Variants in PFKFB3 observed in about 807,000 individuals in gnomAD.
PFKFB3 encodes the protein 6-phosphofructo-2-kinase/fructose-2,6-biphosphatase 3.
A neutral mutation model predicts 68.0 loss-of-function variants in PFKFB3; 33 were observed. That is an observed-to-expected ratio of 0.49 (90% confidence interval 0.37 to 0.65). The LOEUF (loss-of-function observed/expected upper bound fraction) is 0.65. Ranked by LOEUF, PFKFB3 falls within the 30% of genes least tolerant of loss-of-function variation. PFKFB3 has a pLI of 0.00. For synonymous variants in PFKFB3, 315 were observed against 288.2 expected (o/e 1.09, Z -0.94); for missense variants, 586 against 712.2 (o/e 0.82, Z 2.02).
At chr10:6,264,335 T>C in the PFKFB3 span, among the ~76,000 whole-genome samples, 1 of 151,958 alleles carries the variant, frequency 6.6e-6, no homozygotes, top group Non-Finnish European at 1.5e-5. Context: ...GCCCGTTGGA[T>C]TTCCATTTGA....
At chr10:6,181,236 G>T (rs1018719903) in intron 1 of PFKFB3, among the ~76,000 whole-genome samples, 1 of 152,128 alleles carries the variant, frequency 6.6e-6, no homozygotes, top group Non-Finnish European at 1.5e-5. Flanking sequence ...GGCTCTGCTG[G>T]TCTCAAACTC....
At chr10:6,224,255 G>A (rs748078234) in intron 13 of PFKFB3, 42 bp downstream of exon 13, 7 of 1,593,044 alleles carry the variant, frequency 4.4e-6, no homozygotes, top group Middle Eastern at 2.0e-4. Flanking sequence ...ATCATCACAC[G>A]ATAGCCCTAG....
downstream of PFKFB3, among the ~76,000 whole-genome samples, chr10:6,235,769 TTC>T (rs1466532046): frequency 7.8e-6 from 1 of 128,790 alleles, no homozygotes; most frequent in African/African-American, 2.6e-5. Flanking sequence ...TTTCTTTTTT[TTC>T]TTTTTTTTTT....
At chr10:6,262,130 C>T in the PFKFB3 span, among the ~76,000 whole-genome samples, 1 of 151,440 alleles carries the variant, frequency 6.6e-6, no homozygotes, top group Non-Finnish European at 1.5e-5. Flanking sequence ...CAAACCTTCA[C>T]ATGTACCCAC....
chr10:6,197,317 C>T (rs1843204486), intron 1 of PFKFB3, among the ~76,000 whole-genome samples: 1 of 152,150 alleles, frequency 6.6e-6, no homozygotes, highest in African/African-American at 2.4e-5. Context: ...AAATACCTAC[C>T]ATTGTGTTAC....
chr10:6,179,499 T>G (rs1028917592), intron 1 of PFKFB3, among the ~76,000 whole-genome samples: 7 of 152,106 alleles, frequency 4.6e-5, no homozygotes, highest in Admixed American at 4.6e-4. Flanking sequence ...GGCTGTAAAA[T>G]AGATCACTCA....
chr10:6,145,046 A>T, intron 1 of PFKFB3: 1 of 1,313,948 alleles, frequency 7.6e-7, no homozygotes, highest in Non-Finnish European at 9.7e-7. Flanking sequence ...CCACGCCCCC[A>T]GCGCGCGCGG....
chr10:6,222,676 C>G, intron 10 of PFKFB3, 179 bp from the exon 11 acceptor site: 1 of 585,770 alleles, frequency 1.7e-6, no homozygotes, highest in Non-Finnish European at 2.8e-6. Context: ...GTGGGGAGGG[C>G]TTCACTCTTT....
chr10:6,249,178 T>TA (rs71391803), intron 14 of PFKFB3, among the ~76,000 whole-genome samples: 4,542 of 76,682 alleles, frequency 0.059, 88 homozygotes, highest in African/African-American at 0.11. Context: ...CCGTCTCAAT[T>TA]AAAAAAAAAA....
chr10:6,177,390 T>TTCTTTCTTTC (rs1554842902), intron 1 of PFKFB3, among the ~76,000 whole-genome samples: 1 of 63,582 alleles, frequency 1.6e-5, no homozygotes, highest in African/African-American at 3.5e-5. Context: ...CTTTCTTTCT[T>TTCTTTCTTTC]TCTTTCTTTC....
chr10:6,306,888 T>C, the PFKFB3 span, among the ~76,000 whole-genome samples: 1 of 152,220 alleles, frequency 6.6e-6, no homozygotes, highest in Non-Finnish European at 1.5e-5. Flanking sequence ...ATGTTTAGTT[T>C]TACGTATTAA....
At chr10:6,146,338 G>A (rs1841388081) in intron 1 of PFKFB3, 5 of 1,529,834 alleles carry the variant, frequency 3.3e-6, no homozygotes, top group Non-Finnish European at 4.4e-6. Flanking sequence ...TGGCGGTGAA[G>A]GGGGTGGCTG....
At chr10:6,255,858 C>T (rs2132086053), downstream of PFKFB3, among the ~76,000 whole-genome samples, 1 of 152,326 alleles carries the variant, frequency 6.6e-6, no homozygotes, top group East Asian at 1.9e-4. Flanking sequence ...AGACGTGTCA[C>T]AGCAGCATTC....
chr10:6,211,502 T>C (rs1298441744), intron 1 of PFKFB3, among the ~76,000 whole-genome samples: 1 of 151,990 alleles, frequency 6.6e-6, no homozygotes, highest in Non-Finnish European at 1.5e-5. Flanking sequence ...TTCCAAGGAG[T>C]TGCTGCTACT....
the PFKFB3 span, among the ~76,000 whole-genome samples, chr10:6,301,755 A>G: frequency 6.6e-6 from 1 of 152,194 alleles, no homozygotes; most frequent in African/African-American, 2.4e-5. Flanking sequence ...GGGAGCTCTA[A>G]TTCATCAGGA....
chr10:6,190,320 C>T (rs1203718764), intron 1 of PFKFB3, among the ~76,000 whole-genome samples: 1 of 152,226 alleles, frequency 6.6e-6, no homozygotes, highest in Non-Finnish European at 1.5e-5. Context: ...GCAGTGATTA[C>T]CCAGGGATGA....
the PFKFB3 span, among the ~76,000 whole-genome samples, chr10:6,302,060 C>CT: frequency 0.65 from 95,027 of 146,138 alleles, 34,192 homozygotes; most frequent in Non-Finnish European, 0.84. Flanking sequence ...TTTTCTTTTT[C>CT]TTTTTTTTTT....
the PFKFB3 span, among the ~76,000 whole-genome samples, chr10:6,292,653 A>T: frequency 6.6e-6 from 1 of 151,940 alleles, no homozygotes; most frequent in Non-Finnish European, 1.5e-5. Context: ...AAAAAAAACT[A>T]TCAAGGGCAA....
the PFKFB3 span, among the ~76,000 whole-genome samples, chr10:6,276,115 G>A: frequency 6.6e-6 from 1 of 152,144 alleles, no homozygotes. Context: ...AACTTCTACT[G>A]ACCCAAGAGA....
Sources: allele counts gnomAD v4.1 joint callset (sites outside exome capture counted in the v4.1 genomes callset), GRCh38; gene constraint gnomAD v4.1.1; transcripts MANE v1.5; gene names NCBI Gene and HGNC (gene_info 2026-07-23, HGNC 2026-07-21).